Variants in PCID2 observed in about 807,000 individuals in gnomAD.
The protein encoded by PCID2 is PCI domain containing 2.
Under a neutral mutation model 61.3 loss-of-function variants are expected in PCID2, and 41 were observed. The ratio of observed to expected loss-of-function variants is 0.67; its 90% CI spans 0.52 to 0.87. The LOEUF (loss-of-function observed/expected upper bound fraction) is 0.87, where lower values mean the gene tolerates loss of function less well. Among genes scored for constraint, PCID2 ranks in the 40% least tolerant of loss-of-function variants. The pLI is 0.00. For synonymous variants in PCID2, 187 were observed against 177.8 expected, an observed-to-expected ratio of 1.05 and a Z score of -0.41; for missense variants, 392 against 493.4, an observed-to-expected ratio of 0.79 and a Z score of 1.95.
chr13:113,167,823 TTGC>T, the PCID2 span, among the ~76,000 whole-genome samples: 10 of 17,082 alleles, frequency 5.9e-4, no homozygotes, highest in Non-Finnish European at 3.1e-3. Flanking sequence ...AGCTATCATC[TTGC>T]TATCTTTTAT....
intron 1 of PCID2, among the ~76,000 whole-genome samples, chr13:113,203,947 G>A (rs888601136): frequency 3.9e-5 from 6 of 152,236 alleles, no homozygotes; most frequent in Non-Finnish European, 8.8e-5. Context: ...CCCTCCCTGT[G>A]CCATGTGGGC....
rs1179984328 is a variant in PCID2, at chr13:113,200,416, C to T, written c.126+11G>A. On this transcript the variant is annotated intron_variant, in intron 2 of 13. Transcript: ENST00000337344. The stretch of plus-strand genomic sequence containing the variant: ...TCTGCAGACACCTGTGTGCACAGCT[C>T]TTTCACCTACTTGAAGTCGTGGGTT... 1 of 1,552,662 alleles carries T rather than the reference C, an allele frequency of 6.4e-7. No homozygotes were observed. The highest frequency in any genetic ancestry group is 1.4e-5 in the African/African-American group (1 of 73,764).
intron 1 of PCID2, 143 bp from the exon 2 acceptor site, chr13:113,200,659 A>T: frequency 3.9e-6 from 2 of 509,532 alleles, no homozygotes. Context: ...AATGTAACAG[A>T]TGGTCACTAC....
the PCID2 span, among the ~76,000 whole-genome samples, chr13:113,165,884 T>C: frequency 1.3e-5 from 2 of 152,264 alleles, no homozygotes; most frequent in Non-Finnish European, 2.9e-5. Context: ...TAAACATCCA[T>C]ATTTAGCACA....
intron 1 of PCID2, among the ~76,000 whole-genome samples, chr13:113,205,167 C>A (rs1489769681): frequency 1.3e-5 from 2 of 152,156 alleles, no homozygotes; most frequent in Non-Finnish European, 2.9e-5. Flanking sequence ...ATATGAAGAA[C>A]TACTGAAGAT....
chr13:113,184,689 C>T (rs1018776452), intron 8 of PCID2, among the ~76,000 whole-genome samples: 2 of 152,268 alleles, frequency 1.3e-5, no homozygotes, highest in African/African-American at 2.4e-5. Flanking sequence ...GTTCCGGGGG[C>T]GCAGCCCTGC....
intron 4 of PCID2, among the ~76,000 whole-genome samples, chr13:113,196,612 G>A (rs1366939309): frequency 6.6e-6 from 1 of 152,220 alleles, no homozygotes; most frequent in Non-Finnish European, 1.5e-5. Context: ...TAAGGAGGCT[G>A]TGAGCAAATA....
chr13:113,190,802 G>C, intron 7 of PCID2, 70 bp downstream of exon 7: 1 of 813,114 alleles, frequency 1.2e-6, no homozygotes, highest in Non-Finnish European at 2.0e-6. Flanking sequence ...ACACAGGCCA[G>C]AAAGGGTGAA....
Position 113,190,956 on chromosome 13 carries a change from T to C in PCID2, c.383A>G (p.Lys128Arg). The change falls in exon 7 of 14, where the codon AAG (lysine) becomes AGG (arginine). Residue 128 changes from lysine to arginine, a missense_variant. Coordinates refer to ENST00000337344, the MANE Select transcript of PCID2 (RefSeq NM_001127202.4). The part of the protein sequence containing the change: ...FANNADQQLV[K>R]KGKSKVGDML... The stretch of plus-strand genomic sequence containing the variant: ...GTCCCCAACTTTGCTTTTTCCTTTC[T>C]TTACCAACTGTTGATCTGCCTAATA... The C allele has an allele frequency of 6.2e-7, 1 of 1,612,100 alleles. No individual in the cohort carries two copies. Among genetic ancestry groups the C allele is most frequent in the Non-Finnish European group, 8.5e-7 (1 of 1,178,318 alleles).
intron 13 of PCID2, 98 bp downstream of exon 13, chr13:113,178,868 G>A (rs548352781): frequency 3.3e-6 from 4 of 1,218,602 alleles, no homozygotes; most frequent in Non-Finnish European, 4.6e-6. Context: ...AAAGCAGAAG[G>A]CCTTTTAACA....
At chr13:113,181,414 C>T (rs186497555) in intron 9 of PCID2, among the ~76,000 whole-genome samples, 184 bp from the exon 10 acceptor site, 25 of 152,266 alleles carry the variant, frequency 1.6e-4, no homozygotes, top group Admixed American at 9.2e-4. Context: ...AAATCCATAC[C>T]CCCAAATTCA....
chr13:113,196,960 C>A, intron 4 of PCID2: 1 of 1,197,068 alleles, frequency 8.4e-7, no homozygotes, highest in Non-Finnish European at 1.3e-6. Context: ...TCTTCCTAAC[C>A]AGTGTTCTTC....
In PCID2 at chr13:113,181,125, C is replaced by T. The variant is rs753421294; in HGVS notation, c.786+5G>A. 5 of 1,567,162 alleles carry T rather than the reference C, an allele frequency of 3.2e-6. No homozygotes were observed. Reference sequence around the variant, plus strand: ...ATCTATAAACATGGAGTAATAATCACTCACCAATAGCATTTTTACTGGAAG... The same window carrying T: ...ATCTATAAACATGGAGTAATAATCATTCACCAATAGCATTTTTACTGGAAG... On this transcript the variant is annotated splice_donor_5th_base_variant and intron_variant, in intron 10 of 13. Transcript: ENST00000337344.
chr13:113,173,307 G>A (rs1264876881), downstream of PCID2, among the ~76,000 whole-genome samples: 7 of 152,198 alleles, frequency 4.6e-5, no homozygotes, highest in East Asian at 3.8e-4. Flanking sequence ...CCAGTGAAAC[G>A]TCCTTGGAGA....
chr13:113,166,185 A>T, the PCID2 span: 1 of 152,174 alleles, frequency 6.6e-6, no homozygotes, highest in Admixed American at 6.5e-5. Flanking sequence ...ATAATTTAAA[A>T]TTTTCTAGTA....
downstream of PCID2, among the ~76,000 whole-genome samples, chr13:113,173,516 CTTGAG>C (rs942855787): frequency 1.3e-5 from 2 of 152,222 alleles, no homozygotes; most frequent in African/African-American, 2.4e-5. Context: ...CAAATATTCT[CTTGAG>C]TTGAGAACAA....
At chr13:113,180,441 A>T (rs992867011) in intron 10 of PCID2, among the ~76,000 whole-genome samples, 1 of 152,258 alleles carries the variant, frequency 6.6e-6, no homozygotes, top group African/African-American at 2.4e-5. Context: ...TCATTCCATG[A>T]CACGTGACCT....
downstream of PCID2, among the ~76,000 whole-genome samples, chr13:113,174,243 A>G (rs1455936638): frequency 6.6e-6 from 1 of 151,974 alleles, no homozygotes; most frequent in Non-Finnish European, 1.5e-5. Flanking sequence ...ATCTCAAAAA[A>G]AAAAAAAAAC....
intron 1 of PCID2, among the ~76,000 whole-genome samples, chr13:113,204,103 G>A (rs2039625771): frequency 6.6e-6 from 1 of 152,214 alleles, no homozygotes; most frequent in Admixed American, 6.5e-5. Context: ...GTTCCCCACA[G>A]CCACCCCTGC....
Sources: gnomAD v4.1 joint callset for allele counts (sites outside exome capture counted in the v4.1 genomes callset) on GRCh38, gnomAD v4.1.1 for gene constraint, MANE v1.5 for transcripts, NCBI Gene and HGNC (gene_info 2026-07-23, HGNC 2026-07-21) for gene names.